Variants in ZNF503 observed in about 807,000 individuals in gnomAD.
The protein encoded by ZNF503 is zinc finger protein 503, also known as NocA-like zinc finger 2.
In ZNF503, 15 loss-of-function variants were observed where a neutral mutation model predicts 34.4. That is an observed-to-expected ratio of 0.44 (90% CI 0.29 to 0.67). ZNF503 has a LOEUF of 0.67. Ranked by LOEUF, ZNF503 falls within the 30% of genes least tolerant of loss-of-function variation. The pLI is 0.13. For missense variants in ZNF503, 1,007 were observed against 926.8 expected (o/e 1.09, Z -1.12); for synonymous variants, 580 against 456.8 (o/e 1.27, Z -3.44).
chr10:75,299,675 A>T, the ZNF503 span, among the ~76,000 whole-genome samples: 1 of 152,148 alleles, frequency 6.6e-6, no homozygotes, highest in Non-Finnish European at 1.5e-5. Context: ...TTGAGAAATA[A>T]AGGGACAGAG....
chr10:75,396,849 A>G (rs1589132261), downstream of ZNF503, among the ~76,000 whole-genome samples: 1 of 151,836 alleles, frequency 6.6e-6, no homozygotes, highest in East Asian at 2.0e-4. This position sits in a 1 kb window ranked among gnomAD's most constrained non-coding sequence, Gnocchi z 4.4. Flanking sequence ...CCTCCCCCCA[A>G]AAGGGACTGA....
chr10:75,349,268 A>G, the ZNF503 span, among the ~76,000 whole-genome samples: 1 of 152,204 alleles, frequency 6.6e-6, no homozygotes, highest in Non-Finnish European at 1.5e-5. Flanking sequence ...ATGTCTCTTC[A>G]GTCTTTTTTA....
At chr10:75,377,278 G>T in the ZNF503 span, among the ~76,000 whole-genome samples, 1 of 152,198 alleles carries the variant, frequency 6.6e-6, no homozygotes, top group South Asian at 2.1e-4. Flanking sequence ...GGGCTCTTAG[G>T]AAGGATCATG....
the ZNF503 span, among the ~76,000 whole-genome samples, chr10:75,319,666 G>A: frequency 1.1e-4 from 17 of 152,058 alleles, no homozygotes; most frequent in Non-Finnish European, 5.9e-5. Context: ...ATATATAAAT[G>A]GTCTAGATAT....
the ZNF503 span, among the ~76,000 whole-genome samples, chr10:75,325,277 C>T: frequency 6.6e-6 from 1 of 151,330 alleles, no homozygotes; most frequent in African/African-American, 2.4e-5. Context: ...AGACTCTGTT[C>T]TGTTTCACTG....
chr10:75,347,205 G>A, the ZNF503 span, among the ~76,000 whole-genome samples: 1 of 152,216 alleles, frequency 6.6e-6, no homozygotes, highest in East Asian at 1.9e-4. Context: ...AGGCAAGTGA[G>A]GACTCCGGCA....
chr10:75,328,749 T>TC, the ZNF503 span, among the ~76,000 whole-genome samples: 14 of 148,320 alleles, frequency 9.4e-5, no homozygotes, highest in Admixed American at 1.3e-4. Flanking sequence ...GTCTTTTCTT[T>TC]TTTTTTTTTT....
chr10:75,397,259 G>A (rs1279755249), downstream of ZNF503, among the ~76,000 whole-genome samples: 4 of 152,300 alleles, frequency 2.6e-5, no homozygotes, highest in Non-Finnish European at 5.9e-5. Context: ...GCGTTTAGAA[G>A]GCCCTGGGCA....
chr10:75,297,252 C>A, the ZNF503 span, among the ~76,000 whole-genome samples: 1 of 152,176 alleles, frequency 6.6e-6, no homozygotes, highest in African/African-American at 2.4e-5. Context: ...AGGCATTATT[C>A]ATCCTCTGAC....
the ZNF503 span, among the ~76,000 whole-genome samples, chr10:75,339,316 G>A: frequency 3.3e-5 from 5 of 152,174 alleles, no homozygotes; most frequent in African/African-American, 1.2e-4. Context: ...TTTCTCTCAT[G>A]TATAAAAAAA....
chr10:75,315,347 G>C, the ZNF503 span, among the ~76,000 whole-genome samples: 846 of 152,290 alleles, frequency 5.6e-3, 4 homozygotes, highest in African/African-American at 0.019. Flanking sequence ...GTGATAGAGT[G>C]AGACCCTGTC....
chr10:75,282,118 G>C, the ZNF503 span, among the ~76,000 whole-genome samples: 199 of 152,356 alleles, frequency 1.3e-3, no homozygotes, highest in African/African-American at 4.6e-3. Context: ...ATCTTAGGGA[G>C]GCAAAGATCA....
At chr10:75,291,399 G>T in the ZNF503 span, among the ~76,000 whole-genome samples, 1 of 152,110 alleles carries the variant, frequency 6.6e-6, no homozygotes, top group Non-Finnish European at 1.5e-5. Context: ...ATCTCTTGAG[G>T]CCAGGAGTTC....
At chr10:75,345,634 C>CAAAA in the ZNF503 span, among the ~76,000 whole-genome samples, 8 of 72,214 alleles carry the variant, frequency 1.1e-4, no homozygotes, top group African/African-American at 4.1e-4. Flanking sequence ...GACTCTGTCT[C>CAAAA]AAAAAAAAAA....
chr10:75,367,626 C>G, the ZNF503 span, among the ~76,000 whole-genome samples: 1 of 152,122 alleles, frequency 6.6e-6, no homozygotes, highest in Non-Finnish European at 1.5e-5. Flanking sequence ...CTCAAAGAAG[C>G]CTCTTGACAT....
the ZNF503 span, among the ~76,000 whole-genome samples, chr10:75,354,415 GA>G: frequency 6.6e-6 from 1 of 152,178 alleles, no homozygotes; most frequent in Non-Finnish European, 1.5e-5. Flanking sequence ...CTATAACGAT[GA>G]AAGAACTTGA....
intron 1 of ZNF503, 158 bp downstream of exon 1, chr10:75,400,947 C>T: frequency 9.1e-7 from 1 of 1,096,276 alleles, no homozygotes; most frequent in Non-Finnish European, 1.3e-6. Context: ...CCCCCTTTTC[C>T]GCCCTAGTTT....
chr10:75,331,181 A>G, the ZNF503 span, among the ~76,000 whole-genome samples: 32 of 152,280 alleles, frequency 2.1e-4, no homozygotes, highest in Admixed American at 1.8e-3. Flanking sequence ...TATGATTTCA[A>G]TTGTTTTACA....
At chr10:75,324,417 C>T in the ZNF503 span, among the ~76,000 whole-genome samples, 7 of 152,034 alleles carry the variant, frequency 4.6e-5, no homozygotes, top group African/African-American at 1.4e-4. Flanking sequence ...CAGCCTCAAG[C>T]TCCTGGGCTC....
Sources: allele counts gnomAD v4.1 joint callset (sites outside exome capture counted in the v4.1 genomes callset), GRCh38; gene constraint gnomAD v4.1.1; non-coding constraint Gnocchi (gnomAD v3.1); transcripts MANE v1.5; gene names NCBI Gene and HGNC (gene_info 2026-07-23, HGNC 2026-07-21).